The following ABTB3 variants were observed in gnomAD, a reference collection of about 807,000 sequenced individuals.
The protein encoded by ABTB3 is ankyrin repeat- and BTB/POZ domain-containing protein 3.
chr12:107,554,758 G>A, the ABTB3 span, among the ~76,000 whole-genome samples: 1 of 152,166 alleles, frequency 6.6e-6, no homozygotes, highest in Non-Finnish European at 1.5e-5. Flanking sequence ...TGAGGCTGTT[G>A]CTGCTGGTTC....
the ABTB3 span, among the ~76,000 whole-genome samples, chr12:107,552,492 G>T: frequency 6.6e-6 from 1 of 152,236 alleles, no homozygotes; most frequent in African/African-American, 2.4e-5. Context: ...ACAGCTTTTG[G>T]TTGTTTCACA....
the ABTB3 span, among the ~76,000 whole-genome samples, chr12:107,502,204 AC>A: frequency 6.6e-6 from 1 of 151,876 alleles, no homozygotes; most frequent in African/African-American, 2.4e-5. Flanking sequence ...AGCTGGGATT[AC>A]AGGTGCATGC....
the ABTB3 span, among the ~76,000 whole-genome samples, chr12:107,387,952 CTCT>C: frequency 0.015 from 1,957 of 130,568 alleles, 68 homozygotes; most frequent in African/African-American, 0.052. Context: ...CTCTTTTCTC[CTCT>C]TCTTCTTCTT....
the ABTB3 span, among the ~76,000 whole-genome samples, chr12:107,328,445 C>T: frequency 2.6e-5 from 4 of 152,150 alleles, no homozygotes; most frequent in Admixed American, 6.5e-5. Flanking sequence ...AGTGGTTTAA[C>T]AGTGAATGGA....
At chr12:107,563,641 A>G in the ABTB3 span, among the ~76,000 whole-genome samples, 2 of 148,774 alleles carry the variant, frequency 1.3e-5, no homozygotes, top group East Asian at 1.9e-4. Context: ...AGGAAGAGGG[A>G]AAAAAAAAAC....
At chr12:107,651,205 T>C in the ABTB3 span, among the ~76,000 whole-genome samples, 2 of 152,130 alleles carry the variant, frequency 1.3e-5, no homozygotes, top group South Asian at 2.1e-4. Context: ...GAGGCAGACA[T>C]GACGTCACAT....
chr12:107,358,353 C>A, the ABTB3 span, among the ~76,000 whole-genome samples: 1 of 152,138 alleles, frequency 6.6e-6, no homozygotes, highest in African/African-American at 2.4e-5. Flanking sequence ...TGGAGAAGGG[C>A]TTTCTAAGCA....
chr12:107,631,589 A>T, the ABTB3 span, among the ~76,000 whole-genome samples: 15 of 152,162 alleles, frequency 9.9e-5, no homozygotes. Context: ...AGAGTACCAC[A>T]TTACACTTCA....
chr12:107,542,715 A>G, the ABTB3 span, among the ~76,000 whole-genome samples: 1 of 152,222 alleles, frequency 6.6e-6, no homozygotes, highest in African/African-American at 2.4e-5. Context: ...GGTAACATAA[A>G]CAGTCCATTA....
At chr12:107,321,061 C>T in the ABTB3 span, among the ~76,000 whole-genome samples, 1 of 152,182 alleles carries the variant, frequency 6.6e-6, no homozygotes, top group Non-Finnish European at 1.5e-5. Context: ...AAAGCCGGAG[C>T]TAGACACTTC....
chr12:107,480,129 C>T, the ABTB3 span, among the ~76,000 whole-genome samples: 2 of 152,148 alleles, frequency 1.3e-5, no homozygotes, highest in African/African-American at 4.8e-5. Context: ...TAGGGAAAGG[C>T]ATTCCAGGTA....
At chr12:107,624,767 G>A in the ABTB3 span, among the ~76,000 whole-genome samples, 1 of 152,126 alleles carries the variant, frequency 6.6e-6, no homozygotes, top group Non-Finnish European at 1.5e-5. Context: ...CCAGTTTTAG[G>A]CTATCACAAA....
chr12:107,522,839 A>G, the ABTB3 span, among the ~76,000 whole-genome samples: 2 of 151,824 alleles, frequency 1.3e-5, no homozygotes, highest in Non-Finnish European at 2.9e-5. Context: ...GAGGGAGGGA[A>G]AAGAGGCAGA....
the ABTB3 span, among the ~76,000 whole-genome samples, chr12:107,447,534 C>G: frequency 6.6e-6 from 1 of 152,188 alleles, no homozygotes; most frequent in Non-Finnish European, 1.5e-5. Context: ...CAAACCCACA[C>G]CCCAAGCTGG....
the ABTB3 span, among the ~76,000 whole-genome samples, chr12:107,528,500 T>C: frequency 6.6e-6 from 1 of 152,220 alleles, no homozygotes; most frequent in Admixed American, 6.5e-5. Flanking sequence ...ACATAGTTAT[T>C]AGTGGATTGA....
chr12:107,566,756 C>A, the ABTB3 span, among the ~76,000 whole-genome samples: 1 of 152,046 alleles, frequency 6.6e-6, no homozygotes, highest in African/African-American at 2.4e-5. Flanking sequence ...AGGTCTGATA[C>A]TCTTAGGCCT....
the ABTB3 span, among the ~76,000 whole-genome samples, chr12:107,456,962 T>A: frequency 2.0e-5 from 3 of 152,006 alleles, no homozygotes; most frequent in Non-Finnish European, 2.9e-5. Context: ...TGGGTTCAAG[T>A]GATTCTCCTG....
At chr12:107,425,831 T>C in the ABTB3 span, among the ~76,000 whole-genome samples, 1 of 152,192 alleles carries the variant, frequency 6.6e-6, no homozygotes, top group Non-Finnish European at 1.5e-5. Flanking sequence ...TTGGTGCCAA[T>C]CCTCCCCTAC....
chr12:107,466,358 G>T, the ABTB3 span, among the ~76,000 whole-genome samples: 5 of 152,198 alleles, frequency 3.3e-5, no homozygotes, highest in South Asian at 1.0e-3. Flanking sequence ...GACACCGTGA[G>T]GTAGGGGACC....
Sources: allele counts gnomAD v4.1 joint callset (sites outside exome capture counted in the v4.1 genomes callset), GRCh38; gene constraint gnomAD v4.1.1; transcripts MANE v1.5; gene names NCBI Gene and HGNC (gene_info 2026-07-23, HGNC 2026-07-21).